RNF17: variants seen among roughly 807,000 people sequenced by gnomAD.
RNF17 encodes spermatogenesis associated 23.
Under a neutral mutation model 200.5 loss-of-function variants are expected in RNF17, and 31 were observed. That is an observed-to-expected ratio of 0.15 (90% CI 0.12 to 0.21). The LOEUF is 0.21. Ranked by LOEUF, RNF17 falls within the 10% of genes least tolerant of loss-of-function variation. RNF17 has a pLI of 1.00. For synonymous variants in RNF17, 606 were observed against 637.8 expected (o/e 0.95, Z 0.75); for missense variants, 1,628 against 1,905.1 (o/e 0.85, Z 2.71).
chr13:24,888,126 A>C, the RNF17 span, among the ~76,000 whole-genome samples: 1 of 152,216 alleles, frequency 6.6e-6, no homozygotes, highest in Non-Finnish European at 1.5e-5. Context: ...TAAAAACTCA[A>C]GATGTGAATG....
the RNF17 span, among the ~76,000 whole-genome samples, chr13:24,756,795 C>A: frequency 2.6e-5 from 4 of 152,172 alleles, no homozygotes; most frequent in Non-Finnish European, 4.4e-5. Context: ...CCGAAGCCTT[C>A]CCCCATATGT....
chr13:24,781,870 G>T lies in RNF17; in HGVS notation c.537G>T (p.Thr179=), dbSNP rs267603788. ...GKALEHMQKQ[T]IEERERVIEV... is the part of the protein sequence containing the mutation. ...CACTTGAACACATGCAGAAGCAAAC[G>T]ATAGAGGAAAGAGAAAGAGTTATAG... The change falls in exon 6 of 36, where the codon ACG becomes ACT. Residue 179 remains threonine (T), a synonymous_variant. Transcript: ENST00000255324. 6.2e-7 allele frequency: 1 copy of T among 1,610,766 alleles called. No individual in the cohort carries two copies. Among genetic ancestry groups the T allele is most frequent in the Non-Finnish European group, 8.5e-7 (1 of 1,179,258 alleles).
intron 11 of RNF17, among the ~76,000 whole-genome samples, chr13:24,797,705 A>AGTTTGTGTGTGTGTGTGTGTGT (rs59493601): frequency 1.3e-4 from 15 of 119,094 alleles, no homozygotes; most frequent in African/African-American, 4.2e-4. Context: ...AGAGACAAAG[A>AGTTTGTGTGTGTGTGTGTGTGT]GTGTGTGTGT....
In RNF17 at chr13:24,874,119, C is replaced by G. The variant is rs767714640; in HGVS notation, c.4453C>G (p.Pro1485Ala). Residue 1485 changes from proline (P) to alanine (A), a missense_variant, in exon 33 of 36, where the codon CCT (proline) becomes GCT (alanine). Transcript: ENST00000255324. ...CCCTTTTTCTGTCTTTCCAGAAATG[C>G]CTTGCCTTGCAGAATATGATGATGG... ...PPLTDFRTEM[P>A]CLAEYDDGLW... 3 of 1,602,592 alleles carry G rather than the reference C, an allele frequency of 1.9e-6. No homozygotes were observed. The highest frequency in any genetic ancestry group is 3.5e-5 in the Admixed American group (2 of 56,488).
intron 15 of RNF17, among the ~76,000 whole-genome samples, chr13:24,825,117 C>T (rs1246371307): frequency 1.3e-5 from 2 of 151,998 alleles, no homozygotes; most frequent in East Asian, 3.9e-4. Context: ...TTCAACAAGA[C>T]ATGTTCATTA....
Position 24,864,864 on chromosome 13 carries a change from T to C in RNF17, c.3976-9T>C. The C allele has an allele frequency of 6.6e-7, 1 of 1,519,876 alleles. No homozygotes were observed. Among genetic ancestry groups the C allele is most frequent in the Non-Finnish European group, 9.0e-7 (1 of 1,111,812 alleles). The allele number at this position is 1,519,876 out of a possible 1,614,324, so 94.1% of individuals were successfully genotyped here. On this transcript the variant is annotated splice_polypyrimidine_tract_variant and intron_variant, in intron 28 of 35. Coordinates refer to ENST00000255324, the MANE Select transcript of RNF17 (RefSeq NM_031277.3). Reference sequence around the variant, plus strand: ...ATTTTTATGATTATCTTTATTGAACTTTAAATAGGAGTTACCTAAAAATCC... The same window carrying C: ...ATTTTTATGATTATCTTTATTGAACCTTAAATAGGAGTTACCTAAAAATCC...
Position 24,812,682 on chromosome 13 carries a change from C to G in RNF17, c.2091+8253C>G, listed in dbSNP as rs1327604220. Among the ~76,000 whole-genome samples the G allele has an allele frequency of 4.6e-5, 4 of 86,108 alleles. 2 individuals are homozygous for G. Among genetic ancestry groups the G allele is most frequent in the Non-Finnish European group, 9.7e-5 (4 of 41,030 alleles). 56.5% of individuals were successfully genotyped at this position (86,108 alleles called of 152,430 possible). On this transcript the variant is annotated intron_variant, in intron 15 of 35. Transcript: ENST00000255324. ...TGGCTCCTCCCCTCCCCGCCCCACC[C>G]CCTTTTTTTTTTTTTTTGAGACGCA... is the stretch of plus-strand genomic sequence containing the variant.
At position 24,854,137 on chromosome 13, in the gene RNF17, A is replaced by G; in HGVS notation, c.3603A>G (p.Lys1201=). The stretch of plus-strand genomic sequence containing the variant: ...ATGGAACTATATTTGTAGTACCTAA[A>G]CTATCAGGTGAGACCTTCTATGTTA... ...GDDGTIFVVP[K]LSEFELIKMT... is the part of the protein sequence containing the mutation. The change falls in exon 25 of 36, where the codon AAA becomes AAG. Residue 1201 remains lysine, a synonymous_variant. Coordinates refer to ENST00000255324, the MANE Select transcript of RNF17 (RefSeq NM_031277.3). The G allele has an allele frequency of 6.2e-7, 1 of 1,610,400 alleles. No homozygotes were observed. Among genetic ancestry groups the G allele is most frequent in the Non-Finnish European group, 8.5e-7 (1 of 1,177,498 alleles).
chr13:24,883,409 A>T (rs1566275360), downstream of RNF17: 1 of 1,439,340 alleles, frequency 6.9e-7, no homozygotes, highest in Admixed American at 1.9e-5. Context: ...TAAAAAAAAA[A>T]TAATAGAAAA....
intron 15 of RNF17, among the ~76,000 whole-genome samples, chr13:24,822,040 C>T (rs767703592): frequency 2.0e-5 from 3 of 152,008 alleles, no homozygotes; most frequent in Non-Finnish European, 4.4e-5. Context: ...GTGGATGTGC[C>T]GGATTTTGTA....
downstream of RNF17, chr13:24,883,164 C>A: frequency 6.2e-7 from 1 of 1,609,160 alleles, no homozygotes; most frequent in Non-Finnish European, 8.5e-7. Flanking sequence ...ACTTCATGAT[C>A]ACATGAGGAT....
intron 12 of RNF17, among the ~76,000 whole-genome samples, chr13:24,799,846 C>T (rs909017017): frequency 2.0e-5 from 3 of 152,082 alleles, no homozygotes; most frequent in Non-Finnish European, 4.4e-5. Context: ...GGGAATAATA[C>T]ACAAACTAAT....
chr13:24,795,712 G>A (rs1884481114), intron 10 of RNF17, among the ~76,000 whole-genome samples: 1 of 152,050 alleles, frequency 6.6e-6, no homozygotes, highest in Non-Finnish European at 1.5e-5. Context: ...TGGTTCTATA[G>A]GTAGAGTATA....
At chr13:24,840,105 C>G (rs755248002) in intron 18 of RNF17, among the ~76,000 whole-genome samples, 2 of 152,044 alleles carry the variant, frequency 1.3e-5, no homozygotes, top group African/African-American at 2.4e-5. Context: ...ATACAAATGG[C>G]CAACAAAGGT....
At chr13:24,764,599 G>T (rs1048563855) in intron 1 of RNF17, among the ~76,000 whole-genome samples, 5 of 152,206 alleles carry the variant, frequency 3.3e-5, no homozygotes, top group Admixed American at 6.5e-5. Context: ...ATGGGGGCCC[G>T]GGTGGCTTTA....
intron 20 of RNF17, 58 bp from the exon 21 acceptor site, chr13:24,844,594 T>G (rs1257470802): frequency 3.0e-6 from 4 of 1,346,862 alleles, no homozygotes; most frequent in Non-Finnish European, 4.1e-6. Context: ...AGGAAACATG[T>G]AGCCAGAGAA....
chr13:24,869,764 TTTTG>T (rs962790649), intron 31 of RNF17, among the ~76,000 whole-genome samples: 17 of 151,648 alleles, frequency 1.1e-4, no homozygotes, highest in African/African-American at 2.2e-4. Flanking sequence ...AGTTGTGGTT[TTTTG>T]TTTGTTTGTT....
chr13:24,824,140 A>G, intron 15 of RNF17: 1 of 704,240 alleles, frequency 1.4e-6, no homozygotes, highest in Non-Finnish European at 2.6e-6. Flanking sequence ...CATTTAGAAA[A>G]TTGCTTTTAC....
chr13:24,804,192 G>A (rs1885579723), intron 14 of RNF17, 96 bp from the exon 15 acceptor site: 6 of 1,113,408 alleles, frequency 5.4e-6, no homozygotes, highest in Non-Finnish European at 7.9e-6. Flanking sequence ...AGCCCAGAAG[G>A]GTAGAGGCTG....
Sources: gnomAD v4.1 joint callset for allele counts (sites outside exome capture counted in the v4.1 genomes callset) on GRCh38, gnomAD v4.1.1 for gene constraint, MANE v1.5 for transcripts, NCBI Gene and HGNC (gene_info 2026-07-23, HGNC 2026-07-21) for gene names.